The following ZC3H6 variants were observed in gnomAD, a reference collection of about 807,000 sequenced individuals.
The protein encoded by ZC3H6 is zinc finger CCCH domain-containing protein 6.
A neutral mutation model predicts 107.7 loss-of-function variants in ZC3H6; 40 were observed. The ratio of observed to expected loss-of-function variants is 0.37; its 90% CI spans 0.29 to 0.48. The LOEUF (loss-of-function observed/expected upper bound fraction) is 0.48, where lower values mean the gene tolerates loss of function less well. Among genes scored for constraint, ZC3H6 ranks in the 20% least tolerant of loss-of-function variants. ZC3H6 has a pLI of 0.98. For synonymous variants in ZC3H6, 493 were observed against 487.9 expected, an observed-to-expected ratio of 1.01 and a Z score of -0.14; for missense variants, 1,267 against 1,410.4, an observed-to-expected ratio of 0.90 and a Z score of 1.63.
intron 2 of ZC3H6, among the ~76,000 whole-genome samples, chr2:112,301,175 A>C (rs1293374898): frequency 6.6e-6 from 1 of 152,214 alleles, no homozygotes; most frequent in Admixed American, 6.5e-5. Context: ...TGAGAACAGC[A>C]ACAGAAACTG....
At chr2:112,320,887 G>A (rs1573962784) in intron 7 of ZC3H6, among the ~76,000 whole-genome samples, 1 of 152,126 alleles carries the variant, frequency 6.6e-6, no homozygotes, top group East Asian at 1.9e-4. Flanking sequence ...GTTTTAGCTT[G>A]TGGCTGCAGT....
intron 1 of ZC3H6, among the ~76,000 whole-genome samples, chr2:112,290,277 T>C (rs1328419641): frequency 6.6e-6 from 1 of 152,264 alleles, no homozygotes; most frequent in Non-Finnish European, 1.5e-5. Flanking sequence ...TCAGTTCCTA[T>C]AGTGTGTCAT....
Position 112,311,801 on chromosome 2 carries a change from T to C in ZC3H6, c.614-3T>C. On this transcript the variant is annotated splice_region_variant and splice_polypyrimidine_tract_variant and intron_variant, in intron 4 of 11. Coordinates refer to ENST00000409871, the MANE Select transcript of ZC3H6 (RefSeq NM_198581.3). ...AAATTTAAGTACATTTTAACTTTTC[T>C]AGGTATTGAACAGAGAGTTAAAAGT... The C allele has an allele frequency of 1.0e-5, 16 of 1,602,456 alleles. No homozygotes were observed. Among genetic ancestry groups the C allele is most frequent in the Non-Finnish European group, 1.1e-5 (13 of 1,174,820 alleles).
rs909107235 is a variant in ZC3H6, at chr2:112,336,618, G to A, written c.*4130G>A. Reference sequence around the variant, plus strand: ...GCCTTCTCCCCAAGCAGTTTCATGTGGTTTGCAGAAAGTTTTGGCAGCTAC... The same window carrying A: ...GCCTTCTCCCCAAGCAGTTTCATGTAGTTTGCAGAAAGTTTTGGCAGCTAC... On this transcript the variant is annotated 3_prime_UTR_variant, in exon 12 of 12. Transcript: ENST00000409871. 6.6e-6 allele frequency: 1 copy of A among 152,082 alleles called. No homozygotes were observed. Among genetic ancestry groups the A allele is most frequent in the Non-Finnish European group, 1.5e-5 (1 of 68,012 alleles). 9.4% of individuals were successfully genotyped at this position (152,082 alleles called of 1,614,324 possible).
chr2:112,293,810 T>C (rs1676168156), intron 1 of ZC3H6, among the ~76,000 whole-genome samples: 1 of 152,142 alleles, frequency 6.6e-6, no homozygotes, highest in South Asian at 2.1e-4. Flanking sequence ...ATTCAGACAG[T>C]TTATTAATTA....
rs1677103964 is a variant in ZC3H6 at position 112,334,462 on chromosome 2, C to G, written c.*1974C>G. 6.6e-6 allele frequency: 1 copy of G among 151,962 alleles called. No individual in the cohort carries two copies. Among genetic ancestry groups the G allele is most frequent in the Non-Finnish European group, 1.5e-5 (1 of 67,936 alleles). The allele number at this position is 151,962 out of a possible 1,614,324, so 9.4% of individuals were successfully genotyped here. On this transcript the variant is annotated 3_prime_UTR_variant, in exon 12 of 12. Coordinates refer to ENST00000409871, the MANE Select transcript of ZC3H6 (RefSeq NM_198581.3). ...ATCAAAATAGAATCCAAACTCTTAA[C>G]CGAATATCTTTTTTACAACTAAAAG...
At chr2:112,300,928 G>A (rs769794488) in intron 2 of ZC3H6, among the ~76,000 whole-genome samples, 4 of 152,156 alleles carry the variant, frequency 2.6e-5, no homozygotes, top group Non-Finnish European at 4.4e-5. Context: ...CATCAATTAG[G>A]ATAACACAAC....
At chr2:112,277,998 C>A (rs569058115) in intron 1 of ZC3H6, among the ~76,000 whole-genome samples, 1 of 152,150 alleles carries the variant, frequency 6.6e-6, no homozygotes, top group African/African-American at 2.4e-5. Context: ...CCAGGAAATT[C>A]TAATATGTGC....
Position 112,324,462 on chromosome 2 carries a change from T to G in ZC3H6, c.1651T>G (p.Tyr551Asp). 6.2e-7 allele frequency: 1 copy of G among 1,613,984 alleles called. No homozygotes were observed. The highest frequency in any genetic ancestry group is 1.1e-5 in the South Asian group (1 of 91,064). The change falls in exon 10 of 12, where the codon TAC becomes GAC. Residue 551 changes from tyrosine to aspartate, a missense_variant. By Grantham distance (160) the Tyr-to-Asp change is radical. Around this residue, in one of 3 missense-constraint regions of ZC3H6, gnomAD observed 925 missense variants for 1,025.7 expected, o/e 0.90. Transcript: ENST00000409871. The stretch of plus-strand genomic sequence containing the variant: ...GACACCACCAAGTATGGGTGGGGCT[T>G]ACCACTCCCCAGGCTTTCCAGGACA... ...SLTPPSMGGA[Y>D]HSPGFPGHVM... is the part of the protein sequence containing the mutation.
intron 2 of ZC3H6, among the ~76,000 whole-genome samples, 155 bp from the exon 3 acceptor site, chr2:112,303,074 C>T (rs1676413932): frequency 6.6e-6 from 1 of 151,860 alleles, no homozygotes; most frequent in Non-Finnish European, 1.5e-5. Flanking sequence ...ATGGTGGTGG[C>T]CTTTGGGGCA....
intron 11 of ZC3H6, among the ~76,000 whole-genome samples, chr2:112,328,443 A>G (rs1676955206): frequency 6.6e-6 from 1 of 152,196 alleles, no homozygotes; most frequent in Non-Finnish European, 1.5e-5. Flanking sequence ...CATTTTAACA[A>G]TATTGATTCT....
At chr2:112,310,802 G>C (rs113809337) in intron 4 of ZC3H6, among the ~76,000 whole-genome samples, 109 of 152,288 alleles carry the variant, frequency 7.2e-4, no homozygotes, top group African/African-American at 2.3e-3. Flanking sequence ...AAATGAAGTA[G>C]TGAGGAGCCA....
At chr2:112,301,348 T>A (rs763199327) in intron 2 of ZC3H6, among the ~76,000 whole-genome samples, 6 of 152,258 alleles carry the variant, frequency 3.9e-5, no homozygotes, top group Non-Finnish European at 8.8e-5. Context: ...GGAAGTAAAG[T>A]CTACATTGAG....
rs1488515487 is a variant in ZC3H6, at chr2:112,331,292, G to A, written c.2374G>A (p.Gly792Arg). ...GGATCCCAGGAAATTGAGAGGGAAT[G>A]GAAGTGGTCACATAGGCTCTTCTGT... ...AWDPRKLRGN[G>R]SGHIGSSVGG... The change falls in exon 12 of 12, where the codon GGA becomes AGA. Residue 792 changes from glycine (G) to arginine (R), a missense_variant. Gly to Arg is a moderately radical substitution (Grantham distance 125, BLOSUM62 -2). Transcript: ENST00000409871. 6.2e-7 allele frequency: 1 copy of A among 1,613,652 alleles called. No individual in the cohort carries two copies. Among genetic ancestry groups the A allele is most frequent in the South Asian group, 1.1e-5 (1 of 91,082 alleles).
At chr2:112,289,053 CTTTTTTTTCT>C (rs1558946570) in intron 1 of ZC3H6, among the ~76,000 whole-genome samples, 7 of 77,784 alleles carry the variant, frequency 9.0e-5, no homozygotes, top group Non-Finnish European at 1.7e-4. Context: ...TCTTTTTTTT[CTTTTTTTTCT>C]TTTTTTTTTT....
At chr2:112,302,335 C>G (rs1676394966) in intron 2 of ZC3H6, among the ~76,000 whole-genome samples, 1 of 151,990 alleles carries the variant, frequency 6.6e-6, no homozygotes, top group Non-Finnish European at 1.5e-5. Context: ...TCATAAAAAC[C>G]AAACTCCAGA....
chr2:112,305,283 A>G (rs564478796), intron 3 of ZC3H6, among the ~76,000 whole-genome samples: 1 of 152,360 alleles, frequency 6.6e-6, no homozygotes, highest in East Asian at 1.9e-4. Flanking sequence ...GTAATGAGAC[A>G]GGTTCTGGAT....
At chr2:112,322,590 G>A (rs1347074394) in intron 8 of ZC3H6, 59 bp from the exon 9 acceptor site, 7 of 1,524,168 alleles carry the variant, frequency 4.6e-6, no homozygotes, top group Middle Eastern at 1.8e-4. Flanking sequence ...AAGTCTTCTA[G>A]TTTTAAATGT....
Position 112,331,875 on chromosome 2 carries a change from T to C in ZC3H6, c.2957T>C (p.Met986Thr). 6.2e-6 allele frequency: 10 copies of C among 1,613,982 alleles called. No homozygotes were observed. Among genetic ancestry groups the C allele is most frequent in the Non-Finnish European group, 8.5e-6 (10 of 1,179,890 alleles). Residue 986 changes from methionine (M) to threonine (T), a missense_variant, in exon 12 of 12, where the codon ATG becomes ACG. Physicochemically the swap from Met to Thr is moderately conservative, Grantham distance 81 (BLOSUM62 -1). This residue lies in a region of ZC3H6 where 925 missense variants were observed against 1,025.7 expected (regional missense o/e 0.90). Transcript: ENST00000409871. ...AATACAGAGTCTCATCAAGTGGTTA[T>C]GAAGGATTCACATGCATCAAAGGGT... ...LPNTESHQVV[M>T]KDSHASKGAP...
Sources: gnomAD v4.1 joint callset for allele counts (sites outside exome capture counted in the v4.1 genomes callset) on GRCh38, gnomAD v4.1.1 for gene constraint, gnomAD v4.1.1 regional missense constraint, MANE v1.5 for transcripts, NCBI Gene and HGNC (gene_info 2026-07-23, HGNC 2026-07-21) for gene names.